Variants in LUZP2 observed in about 807,000 individuals in gnomAD.
LUZP2 encodes leucine zipper protein 2.
A neutral mutation model predicts 51.6 loss-of-function variants in LUZP2; 52 were observed. The observed-to-expected ratio is 1.01, with a 90% CI of 0.81 to 1.27. LUZP2 has a LOEUF of 1.27. Among genes scored for constraint, LUZP2 ranks in the 50% most tolerant of loss-of-function variants. LUZP2 has a pLI of 0.00. For missense variants in LUZP2, 436 were observed against 395.4 expected (o/e 1.10, Z -0.87); for synonymous variants, 154 against 137.3 (o/e 1.12, Z -0.85).
chr11:25,030,501 CT>C (rs1857613559), intron 9 of LUZP2, among the ~76,000 whole-genome samples: 1 of 151,884 alleles, frequency 6.6e-6, no homozygotes, highest in Non-Finnish European at 1.5e-5. Flanking sequence ...ATTGACAATT[CT>C]TTTTCCAAAA....
At chr11:25,009,031 T>G (rs1055704109) in intron 9 of LUZP2, among the ~76,000 whole-genome samples, 1 of 152,186 alleles carries the variant, frequency 6.6e-6, no homozygotes, top group Non-Finnish European at 1.5e-5. Flanking sequence ...TAGGAATTTA[T>G]CTGCCTCTTA....
chr11:24,795,880 G>A (rs202167262), intron 5 of LUZP2, among the ~76,000 whole-genome samples: 2 of 152,150 alleles, frequency 1.3e-5, no homozygotes, highest in East Asian at 3.9e-4. Context: ...TCTATAGAGA[G>A]CACTGGTGTG....
chr11:24,938,922 T>A (rs923617446), intron 7 of LUZP2, among the ~76,000 whole-genome samples: 3 of 152,190 alleles, frequency 2.0e-5, no homozygotes, highest in Admixed American at 6.5e-5. Flanking sequence ...AAGAAAATGC[T>A]GATTTAGTAG....
chr11:24,752,635 T>C (rs1266458480), intron 4 of LUZP2, among the ~76,000 whole-genome samples: 4 of 152,140 alleles, frequency 2.6e-5, no homozygotes. Flanking sequence ...AAATTTTCTA[T>C]ATTTTAACTT....
intron 1 of LUZP2, among the ~76,000 whole-genome samples, chr11:24,721,660 T>A (rs1283395773): frequency 6.6e-6 from 1 of 152,168 alleles, no homozygotes; most frequent in African/African-American, 2.4e-5. Flanking sequence ...AGATAAAATG[T>A]TATGATCTCT....
At chr11:25,025,268 A>G (rs1048150887) in intron 9 of LUZP2, among the ~76,000 whole-genome samples, 8 of 152,148 alleles carry the variant, frequency 5.3e-5, no homozygotes, top group African/African-American at 1.9e-4. Flanking sequence ...ACCAAAAGCT[A>G]TGGCAACAAA....
intron 1 of LUZP2, among the ~76,000 whole-genome samples, chr11:24,548,672 C>T (rs916930726): frequency 5.9e-5 from 9 of 151,780 alleles, no homozygotes; most frequent in Admixed American, 1.3e-4. Flanking sequence ...ATTCATGTAA[C>T]GAACTTGCCC....
chr11:24,782,913 C>T (rs12417187), intron 5 of LUZP2, among the ~76,000 whole-genome samples: 19,512 of 151,706 alleles, frequency 0.13, 1,464 homozygotes, highest in East Asian at 0.4. Flanking sequence ...CATTCTGAAA[C>T]GAAATGGAAG....
At chr11:24,722,133 T>A (rs969679324) in intron 1 of LUZP2, among the ~76,000 whole-genome samples, 8 of 152,212 alleles carry the variant, frequency 5.3e-5, no homozygotes, top group Non-Finnish European at 1.0e-4. Flanking sequence ...AACTAATTAC[T>A]TAATACATAG....
At chr11:24,504,325 C>T (rs951848417) in intron 1 of LUZP2, among the ~76,000 whole-genome samples, 5 of 152,142 alleles carry the variant, frequency 3.3e-5, no homozygotes, top group Admixed American at 3.3e-4. Context: ...TATAAGGTTA[C>T]ATTACATTTT....
chr11:24,676,857 G>A (rs113694209), intron 1 of LUZP2, among the ~76,000 whole-genome samples: 1 of 151,752 alleles, frequency 6.6e-6, no homozygotes, highest in South Asian at 2.1e-4. Context: ...AGTAGAGACG[G>A]GGTTTCTCCA....
At chr11:25,065,667 A>C (rs1858978441) in intron 10 of LUZP2, among the ~76,000 whole-genome samples, 1 of 152,042 alleles carries the variant, frequency 6.6e-6, no homozygotes, top group South Asian at 2.1e-4. Flanking sequence ...GTTCCATTTC[A>C]GGTTTTGCCA....
chr11:25,080,052 A>G lies in LUZP2; in HGVS notation c.*1394A>G, dbSNP rs560404472. ...TATCGTTAGCTGTAAAAGTAATATTATGACATATTTATGTAGCACTTCTAT... is the reference window on the plus strand; with the variant it reads ...TATCGTTAGCTGTAAAAGTAATATTGTGACATATTTATGTAGCACTTCTAT... On this transcript the variant is annotated 3_prime_UTR_variant, in exon 12 of 12. Transcript: ENST00000336930. The G allele has an allele frequency of 2.0e-5, 3 of 152,324 alleles. No homozygotes were observed. In the East Asian group the frequency reaches 5.8e-4, roughly 29 times the overall value. 9.4% of individuals were successfully genotyped at this position (152,324 alleles called of 1,614,324 possible). A position where few individuals can be genotyped will look rare whatever the true frequency, so the allele number is the denominator to read the frequency against.
chr11:24,734,039 G>A (rs748862697), intron 3 of LUZP2, among the ~76,000 whole-genome samples: 35 of 151,678 alleles, frequency 2.3e-4, no homozygotes, highest in Admixed American at 8.6e-4. Context: ...AGCTCCATAA[G>A]AAATAATATA....
intron 10 of LUZP2, among the ~76,000 whole-genome samples, chr11:25,055,017 T>C (rs1370733837): frequency 7.4e-5 from 11 of 148,308 alleles, no homozygotes; most frequent in East Asian, 2.0e-4. Context: ...TTTTCTTTTT[T>C]TTTTTTTTTT....
At chr11:24,669,954 A>G (rs1391046770) in intron 1 of LUZP2, among the ~76,000 whole-genome samples, 1 of 152,104 alleles carries the variant, frequency 6.6e-6, no homozygotes, top group African/African-American at 2.4e-5. Flanking sequence ...CTAGGCATCT[A>G]GAGATGACAA....
intron 1 of LUZP2, among the ~76,000 whole-genome samples, chr11:24,605,145 A>T (rs11028059): frequency 0.036 from 5,402 of 151,848 alleles, 137 homozygotes; most frequent in South Asian, 0.095. Flanking sequence ...ATGAGTTCTG[A>T]TTATTAATGG....
At chr11:24,771,854 C>T (rs1264597036) in intron 5 of LUZP2, among the ~76,000 whole-genome samples, 1 of 152,162 alleles carries the variant, frequency 6.6e-6, no homozygotes, top group African/African-American at 2.4e-5. Flanking sequence ...CTTGCCTGAC[C>T]TGACACCGTG....
rs538398660 is a variant in LUZP2 at position 25,065,372 on chromosome 11, A to G, written c.859-11957A>G. 3.1e-4 allele frequency among the ~76,000 whole-genome samples: 47 copies of G among 152,188 alleles called. No individual in the cohort carries two copies. The South Asian group carries it at 9.5e-3, about 31-fold the overall frequency. ...ATCATTATCATTGCTGCTACAATAT[A>G]TAATACAGAACACAGTGGGATGAGT... On this transcript the variant is annotated intron_variant, in intron 10 of 11. Transcript: ENST00000336930.
Sources: gnomAD v4.1 joint callset for allele counts (sites outside exome capture counted in the v4.1 genomes callset) on GRCh38, gnomAD v4.1.1 for gene constraint, MANE v1.5 for transcripts, NCBI Gene and HGNC (gene_info 2026-07-23, HGNC 2026-07-21) for gene names.